MRTFA: variants seen among roughly 807,000 people sequenced by gnomAD.
MRTFA encodes myocardin related transcription factor A.
MRTFA carries 20 observed loss-of-function variants against 83.5 expected under a neutral mutation model. The observed-to-expected ratio is 0.24, with a 90% CI of 0.17 to 0.35. MRTFA has a LOEUF of 0.35. Among genes scored for constraint, MRTFA ranks in the 10% least tolerant of loss-of-function variants. The pLI, the probability that MRTFA is intolerant of heterozygous loss-of-function variation, is 1.00. For missense variants in MRTFA, 1,200 were observed against 1,224.7 expected, an observed-to-expected ratio of 0.98 and a Z score of 0.30; for synonymous variants, 659 against 541.2, an observed-to-expected ratio of 1.22 and a Z score of -3.02.
At chr22:40,484,175 A>AC (rs2054138287) in intron 3 of MRTFA, among the ~76,000 whole-genome samples, 1 of 152,102 alleles carries the variant, frequency 6.6e-6, no homozygotes, top group African/African-American at 2.4e-5. Flanking sequence ...AGAAAAAAAA[A>AC]ACAGTAAATT....
chr22:40,425,344 C>G (rs1479191223), intron 7 of MRTFA, among the ~76,000 whole-genome samples: 1 of 152,360 alleles, frequency 6.6e-6, no homozygotes, highest in East Asian at 1.9e-4. Context: ...GCCATCCATA[C>G]AGAAGGAACT....
chr22:40,419,084 G>T lies in MRTFA; in HGVS notation c.1654C>A (p.Pro552Thr), dbSNP rs774252127. 1 of 1,604,334 alleles carries T rather than the reference G, an allele frequency of 6.2e-7. No homozygotes were observed. Among genetic ancestry groups the T allele is most frequent in the Admixed American group, 1.7e-5 (1 of 58,896 alleles). The change falls in exon 12 of 15, where the codon CCC (proline) becomes ACC (threonine). Residue 552 changes from proline (P) to threonine (T), a missense_variant. By Grantham distance (38) the Pro-to-Thr change is conservative. Around this residue, in one of 2 missense-constraint regions of MRTFA, gnomAD observed 1,107 missense variants for 1,041.8 expected, o/e 1.06. Coordinates refer to ENST00000355630, the MANE Select transcript of MRTFA (RefSeq NM_020831.6). Reference sequence around the variant, plus strand: ...CGCTCCGAGGGGGTGGGAGACACGGGGGGCGTGGAGCCCGTGCTGCCAAAC... The same window carrying T: ...CGCTCCGAGGGGGTGGGAGACACGGTGGGCGTGGAGCCCGTGCTGCCAAAC...
chr22:40,455,285 T>C (rs1264468742), intron 4 of MRTFA, among the ~76,000 whole-genome samples: 1 of 152,216 alleles, frequency 6.6e-6, no homozygotes, highest in Non-Finnish European at 1.5e-5. Flanking sequence ...AGTTCTATCT[T>C]CACTTAACAT....
At chr22:40,595,648 CTTA>C (rs1246540008) in intron 1 of MRTFA, among the ~76,000 whole-genome samples, 1 of 152,028 alleles carries the variant, frequency 6.6e-6, no homozygotes, top group African/African-American at 2.4e-5. Context: ...AATGGAAGTC[CTTA>C]TTATGAGGCA....
intron 3 of MRTFA, among the ~76,000 whole-genome samples, chr22:40,510,785 G>C (rs964721241): frequency 6.6e-6 from 1 of 152,082 alleles, no homozygotes; most frequent in Non-Finnish European, 1.5e-5. Flanking sequence ...GTTTCTGGGG[G>C]AATCAAAGAC....
At chr22:40,538,447 C>T (rs1165812770) in intron 3 of MRTFA, among the ~76,000 whole-genome samples, 4 of 150,800 alleles carry the variant, frequency 2.7e-5, no homozygotes, top group African/African-American at 7.3e-5. Context: ...CCGCAGGGTC[C>T]TCTGCCTAGG....
At chr22:40,623,402 TGCTG>T (rs2056546215) in intron 1 of MRTFA, among the ~76,000 whole-genome samples, 2 of 152,148 alleles carry the variant, frequency 1.3e-5, no homozygotes, top group African/African-American at 4.8e-5. Context: ...ACATGTGCCA[TGCTG>T]GTGCACTGCA....
intron 12 of MRTFA, chr22:40,417,748 CCT>C (rs67980122): frequency 0.063 from 30,075 of 480,992 alleles, 1,709 homozygotes; most frequent in African/African-American, 0.21. Flanking sequence ...CTGGTCACCC[CCT>C]GAGATTTCTG....
intron 4 of MRTFA, among the ~76,000 whole-genome samples, chr22:40,447,675 A>C (rs1470340128): frequency 6.6e-6 from 1 of 152,250 alleles, no homozygotes; most frequent in Admixed American, 6.5e-5. Context: ...AGGTTTGCTG[A>C]AAATGGTCTC....
intron 3 of MRTFA, among the ~76,000 whole-genome samples, chr22:40,494,377 G>T (rs1279873634): frequency 6.6e-6 from 1 of 152,058 alleles, no homozygotes; most frequent in East Asian, 1.9e-4. Flanking sequence ...ACTTGTGAAT[G>T]GAATAAAAAA....
intron 3 of MRTFA, among the ~76,000 whole-genome samples, chr22:40,492,039 C>A (rs1254373162): frequency 6.6e-6 from 1 of 151,504 alleles, no homozygotes; most frequent in Non-Finnish European, 1.5e-5. Flanking sequence ...AATAGCTGTC[C>A]TTTCTCGGCT....
chr22:40,485,614 C>T (rs972866848), intron 3 of MRTFA, among the ~76,000 whole-genome samples: 2 of 152,184 alleles, frequency 1.3e-5, no homozygotes, highest in African/African-American at 2.4e-5. Context: ...TGACAGGATA[C>T]ATGAATGCGG....
chr22:40,526,626 G>A (rs930437052), intron 3 of MRTFA: 9 of 152,148 alleles, frequency 5.9e-5, no homozygotes, highest in African/African-American at 1.9e-4. Flanking sequence ...TGAGCAAGGA[G>A]GGATATGACC....
chr22:40,565,376 G>A (rs556535601), intron 2 of MRTFA, among the ~76,000 whole-genome samples: 4 of 152,084 alleles, frequency 2.6e-5, no homozygotes, highest in Non-Finnish European at 4.4e-5. Flanking sequence ...GTGAAACTCC[G>A]TCTCTACTAA....
intron 1 of MRTFA, among the ~76,000 whole-genome samples, chr22:40,606,166 C>G (rs2056316989): frequency 2.0e-5 from 3 of 151,654 alleles, no homozygotes; most frequent in African/African-American, 7.3e-5. Flanking sequence ...TCATTTAATT[C>G]TCTCTGAAAA....
chr22:40,438,877 A>G (rs1454490145), intron 4 of MRTFA, among the ~76,000 whole-genome samples: 2 of 152,216 alleles, frequency 1.3e-5, no homozygotes, highest in Non-Finnish European at 2.9e-5. Context: ...GGATTACTCT[A>G]TATGAATTCC....
At chr22:40,634,961 C>T (rs2056678789) in intron 1 of MRTFA, among the ~76,000 whole-genome samples, 1 of 152,142 alleles carries the variant, frequency 6.6e-6, no homozygotes, top group Non-Finnish European at 1.5e-5. Flanking sequence ...TGGAAGCCTT[C>T]TTAAAAACGG....
chr22:40,467,975 A>G (rs1447629661), intron 3 of MRTFA, among the ~76,000 whole-genome samples: 4 of 152,160 alleles, frequency 2.6e-5, no homozygotes, highest in Non-Finnish European at 1.5e-5. Context: ...AATGGAATAA[A>G]AAGAAAAGAA....
At chr22:40,500,619 C>T (rs554958689) in intron 3 of MRTFA, among the ~76,000 whole-genome samples, 4 of 151,992 alleles carry the variant, frequency 2.6e-5, no homozygotes, top group Admixed American at 1.3e-4. Flanking sequence ...TGCCTTCAAG[C>T]ATCTGTTTAA....
Sources: gnomAD v4.1 joint callset for allele counts (sites outside exome capture counted in the v4.1 genomes callset) on GRCh38, gnomAD v4.1.1 for gene constraint, gnomAD v4.1.1 regional missense constraint, MANE v1.5 for transcripts, NCBI Gene and HGNC (gene_info 2026-07-23, HGNC 2026-07-21) for gene names.